PARP8: variants seen among roughly 807,000 people sequenced by gnomAD.
The protein encoded by PARP8 is protein mono-ADP-ribosyltransferase PARP8.
A neutral mutation model predicts 124.1 loss-of-function variants in PARP8; 51 were observed. That is an observed-to-expected ratio of 0.41 (90% CI 0.33 to 0.52). The LOEUF is 0.52. Ranked by LOEUF, PARP8 falls within the 20% of genes least tolerant of loss-of-function variation. The probability of loss-of-function intolerance (pLI) is 0.21; values close to 1 mark genes in which losing one functional copy is unlikely to be tolerated. For synonymous variants in PARP8, 391 were observed against 361.5 expected, an observed-to-expected ratio of 1.08 and a Z score of -0.93; for missense variants, 860 against 1,018.9, an observed-to-expected ratio of 0.84 and a Z score of 2.12.
chr5:50,750,136 TG>T lies in PARP8; in HGVS notation c.147-14del. ...AGCAATAACTTGAGCCTTTTTTGTTTGTTTGTTTTAACAGTGTATCCTACTC... is the reference window on the plus strand; with the variant it reads ...AGCAATAACTTGAGCCTTTTTTGTTTTTTGTTTTAACAGTGTATCCTACTC... On this transcript the variant is annotated splice_polypyrimidine_tract_variant and intron_variant, in intron 2 of 25. Coordinates refer to ENST00000281631, the MANE Select transcript of PARP8 (RefSeq NM_024615.4). The T allele has an allele frequency of 1.3e-6, 2 of 1,574,234 alleles. No homozygotes were observed. The highest frequency in any genetic ancestry group is 8.7e-7 in the Non-Finnish European group (1 of 1,149,992).
At chr5:50,744,154 G>C (rs1758314621) in intron 2 of PARP8, among the ~76,000 whole-genome samples, 1 of 152,118 alleles carries the variant, frequency 6.6e-6, no homozygotes, top group Non-Finnish European at 1.5e-5. Flanking sequence ...TTAAGTCTAA[G>C]ATTCTTTCAT....
chr5:50,813,383 G>A (rs928455362), intron 14 of PARP8, among the ~76,000 whole-genome samples: 3 of 131,538 alleles, frequency 2.3e-5, no homozygotes, highest in African/African-American at 7.3e-5. Flanking sequence ...TCATGATTTG[G>A]CTCTCTGTTT....
chr5:50,773,469 A>G (rs1413852701), intron 7 of PARP8, among the ~76,000 whole-genome samples: 2 of 152,156 alleles, frequency 1.3e-5, no homozygotes, highest in Non-Finnish European at 2.9e-5. Flanking sequence ...TTTGTTGAAA[A>G]TCAGTTGGTT....
chr5:50,759,922 T>C (rs1040197764), intron 4 of PARP8, among the ~76,000 whole-genome samples, 190 bp downstream of exon 4: 1 of 152,168 alleles, frequency 6.6e-6, no homozygotes. Flanking sequence ...TTTAAAGTAG[T>C]TGTAAAAAAA....
intron 2 of PARP8, among the ~76,000 whole-genome samples, chr5:50,744,412 A>G (rs1025694828): frequency 6.6e-5 from 10 of 152,328 alleles, no homozygotes; most frequent in African/African-American, 2.4e-4. Flanking sequence ...AGGATTAGGT[A>G]GATATGGAGC....
intron 2 of PARP8, among the ~76,000 whole-genome samples, chr5:50,686,651 C>T (rs1227408048): frequency 6.6e-6 from 1 of 152,234 alleles, no homozygotes; most frequent in Non-Finnish European, 1.5e-5. Context: ...TTTGCCTGGG[C>T]ATCCAGGCAT....
chr5:50,789,047 A>C (rs976147820), intron 10 of PARP8, among the ~76,000 whole-genome samples: 8 of 152,036 alleles, frequency 5.3e-5, no homozygotes, highest in Non-Finnish European at 1.2e-4. Flanking sequence ...GGCTCTATTG[A>C]GGGCTTCCAC....
intron 14 of PARP8, among the ~76,000 whole-genome samples, chr5:50,798,924 A>G (rs1392264053): frequency 6.6e-6 from 1 of 152,154 alleles, no homozygotes; most frequent in Non-Finnish European, 1.5e-5. Flanking sequence ...GGTTATTTGT[A>G]TTCTTATTCA....
intron 2 of PARP8, among the ~76,000 whole-genome samples, chr5:50,726,063 T>G (rs1333387097): frequency 6.6e-6 from 1 of 152,144 alleles, no homozygotes; most frequent in Non-Finnish European, 1.5e-5. Context: ...TTATATGTGG[T>G]TATTCCACAG....
intron 14 of PARP8, among the ~76,000 whole-genome samples, chr5:50,811,054 T>C (rs1744379097): frequency 6.6e-6 from 1 of 152,116 alleles, no homozygotes. Context: ...TCTGTCTGAT[T>C]TCCTTCTTCA....
rs1748610272 is a variant in PARP8 at position 50,846,327 on chromosome 5, A to G, written c.*4259A>G. On this transcript the variant is annotated 3_prime_UTR_variant, in exon 26 of 26. Transcript: ENST00000281631. ...TAGCCTTTGGTGCCTTAGAATTATTATAAATATTTAACAATATGTACATAA... is the reference window on the plus strand; with the variant it reads ...TAGCCTTTGGTGCCTTAGAATTATTGTAAATATTTAACAATATGTACATAA... 6.6e-6 allele frequency: 1 copy of G among 151,774 alleles called. No homozygotes were observed. The highest frequency in any genetic ancestry group is 2.4e-5 in the African/African-American group (1 of 41,408). The allele number at this position is 151,774 out of a possible 1,614,324, so 9.4% of individuals were successfully genotyped here.
intron 2 of PARP8, 147 bp downstream of exon 2, chr5:50,668,272 C>A: frequency 1.4e-6 from 1 of 740,304 alleles, no homozygotes; most frequent in East Asian, 2.5e-5. Flanking sequence ...CCTGACGTCC[C>A]TCGGTTTTAA....
intron 2 of PARP8, among the ~76,000 whole-genome samples, chr5:50,697,712 G>T (rs1001795891): frequency 6.6e-6 from 1 of 152,090 alleles, no homozygotes; most frequent in African/African-American, 2.4e-5. Context: ...GTCTTGCTTT[G>T]TTGTCCAGGC....
chr5:50,667,997 T>C, intron 1 of PARP8, 74 bp from the exon 2 acceptor site: 1 of 1,608,758 alleles, frequency 6.2e-7, no homozygotes, highest in Non-Finnish European at 8.5e-7. Flanking sequence ...CCACCGAATG[T>C]GGGGCTCAAG....
At position 50,745,056 on chromosome 5, in the gene PARP8, T is replaced by A. The variant is rs187560094; in HGVS notation, c.147-5095T>A. The A allele has an allele frequency of 2.5e-3, 757 of 300,076 alleles. 5 individuals carry two copies. Among genetic ancestry groups the A allele is most frequent in the Middle Eastern group, 0.02 (21 of 1,056 alleles). 18.6% of individuals were successfully genotyped at this position (300,076 alleles called of 1,614,324 possible). A position where few individuals can be genotyped will look rare whatever the true frequency, so the allele number is the denominator to read the frequency against. On this transcript the variant is annotated intron_variant, in intron 2 of 25. Coordinates refer to ENST00000281631, the MANE Select transcript of PARP8 (RefSeq NM_024615.4). The stretch of plus-strand genomic sequence containing the variant: ...CTGCAAGTCACAAAGTGAAACTGAT[T>A]AGGATTTTACAGTCCTGGTGATTTT...
chr5:50,682,262 G>A (rs985188922), intron 2 of PARP8, among the ~76,000 whole-genome samples: 1 of 152,140 alleles, frequency 6.6e-6, no homozygotes, highest in African/African-American at 2.4e-5. Context: ...CAAAAAGCGT[G>A]AATCAATACA....
intron 10 of PARP8, among the ~76,000 whole-genome samples, chr5:50,792,932 G>A (rs1742127554): frequency 6.6e-6 from 1 of 152,138 alleles, no homozygotes; most frequent in Non-Finnish European, 1.5e-5. Context: ...GAAGGATCCT[G>A]AGAACTTAGT....
chr5:50,730,065 A>C (rs1395743378), intron 2 of PARP8, among the ~76,000 whole-genome samples: 1 of 152,186 alleles, frequency 6.6e-6, no homozygotes, highest in East Asian at 1.9e-4. Flanking sequence ...TTGCTTGTGT[A>C]CTACTAATTA....
At chr5:50,701,957 G>A (rs1753642944) in intron 2 of PARP8, among the ~76,000 whole-genome samples, 1 of 152,034 alleles carries the variant, frequency 6.6e-6, no homozygotes, top group Non-Finnish European at 1.5e-5. Flanking sequence ...GGCCGTAATT[G>A]GGGAGTTATA....
Sources: gnomAD v4.1 joint callset for allele counts (sites outside exome capture counted in the v4.1 genomes callset) on GRCh38, gnomAD v4.1.1 for gene constraint, MANE v1.5 for transcripts, NCBI Gene and HGNC (gene_info 2026-07-23, HGNC 2026-07-21) for gene names.